The following MAP4K4 variants were observed in gnomAD, a reference collection of about 807,000 sequenced individuals.
MAP4K4 encodes mitogen-activated protein kinase kinase kinase kinase 4, also known as HPK/GCK-like kinase HGK.
MAP4K4 carries 38 observed loss-of-function variants against 189.6 expected under a neutral mutation model. The observed-to-expected ratio is 0.20, with a 90% CI of 0.15 to 0.26. The LOEUF (loss-of-function observed/expected upper bound fraction) is 0.26, where lower values mean the gene tolerates loss of function less well. MAP4K4 is among the 10% of genes least tolerant of loss of function. The pLI is 1.00. For missense variants in MAP4K4, 1,054 were observed against 1,726.9 expected (o/e 0.61, Z 6.91); for synonymous variants, 610 against 624.3 (o/e 0.98, Z 0.34).
chr2:101,878,747 A>G (rs1211215632), intron 27 of MAP4K4, among the ~76,000 whole-genome samples: 1 of 152,218 alleles, frequency 6.6e-6, no homozygotes, highest in Non-Finnish European at 1.5e-5. Context: ...ACTTACAGTC[A>G]CTTATGATAT....
At chr2:101,888,442 A>G (rs996988250) in intron 31 of MAP4K4, among the ~76,000 whole-genome samples, 2 of 152,210 alleles carry the variant, frequency 1.3e-5, no homozygotes, top group African/African-American at 4.8e-5. Context: ...TATTGTAATT[A>G]GGTCACTGTC....
At chr2:101,715,831 C>A (rs1458543364) in intron 2 of MAP4K4, among the ~76,000 whole-genome samples, 1 of 152,122 alleles carries the variant, frequency 6.6e-6, no homozygotes, top group Non-Finnish European at 1.5e-5. Context: ...AGTGGGAAAG[C>A]AATTGAAGCT....
chr2:101,796,471 A>G (rs934266845), intron 3 of MAP4K4, among the ~76,000 whole-genome samples: 1 of 152,228 alleles, frequency 6.6e-6, no homozygotes, highest in African/African-American at 2.4e-5. Context: ...GCTCAGGAGT[A>G]CATTGCTAAT....
chr2:101,890,753 C>G (rs549164856), intron 32 of MAP4K4, among the ~76,000 whole-genome samples: 1 of 151,574 alleles, frequency 6.6e-6, no homozygotes, highest in Non-Finnish European at 1.5e-5. Flanking sequence ...CCATGCCCAG[C>G]CTTTTTATTT....
chr2:101,716,528 C>T (rs1205868441), intron 2 of MAP4K4, among the ~76,000 whole-genome samples: 1 of 151,076 alleles, frequency 6.6e-6, no homozygotes, highest in Non-Finnish European at 1.5e-5. Context: ...AAAAAAGATA[C>T]AGTTCGTGTT....
At chr2:101,716,039 C>T (rs973064579) in intron 2 of MAP4K4, among the ~76,000 whole-genome samples, 1 of 152,162 alleles carries the variant, frequency 6.6e-6, no homozygotes, top group Non-Finnish European at 1.5e-5. Context: ...ACTGCCACCC[C>T]CTGCCTACCT....
At chr2:101,728,677 C>T (rs770326220) in intron 2 of MAP4K4, among the ~76,000 whole-genome samples, 3 of 152,106 alleles carry the variant, frequency 2.0e-5, no homozygotes, top group Non-Finnish European at 2.9e-5. Flanking sequence ...CACCACCATG[C>T]CTGGTTAATT....
At position 101,891,157 on chromosome 2, in the gene MAP4K4, CT is replaced by C; in HGVS notation, c.4072-5del. 4 of 1,612,290 alleles carry C rather than the reference CT, an allele frequency of 2.5e-6. No individual in the cohort carries two copies. The South Asian group carries it at 4.4e-5, about 18-fold the overall frequency. ...GGTAACCATTCCCTCTCTTTTCTTG[CT>C]TTTGCAGGTGTTCTTTGCCTCTGTT... On this transcript the variant is annotated splice_region_variant and splice_polypyrimidine_tract_variant and intron_variant, in intron 32 of 32. Coordinates refer to ENST00000324219, the Ensembl canonical transcript of MAP4K4.
At chr2:101,776,444 G>T (rs1575364691) in intron 2 of MAP4K4, among the ~76,000 whole-genome samples, 2 of 152,048 alleles carry the variant, frequency 1.3e-5, no homozygotes, top group Admixed American at 1.3e-4. Context: ...GTTTTCTTGG[G>T]CCTAGTCTAG....
intron 1 of MAP4K4, 56 bp downstream of exon 1, chr2:101,698,193 G>C: frequency 1.2e-6 from 1 of 859,832 alleles, no homozygotes; most frequent in Non-Finnish European, 1.4e-6. Flanking sequence ...GCCGGCAGCC[G>C]GGGCCGCGCC....
At chr2:101,767,251 A>G (rs1175041022) in intron 2 of MAP4K4, among the ~76,000 whole-genome samples, 1 of 152,234 alleles carries the variant, frequency 6.6e-6, no homozygotes, top group Non-Finnish European at 1.5e-5. Context: ...CCACAGTGGC[A>G]TGTTTGGTAT....
chr2:101,742,004 G>T (rs1342237058), intron 2 of MAP4K4, among the ~76,000 whole-genome samples: 1 of 152,162 alleles, frequency 6.6e-6, no homozygotes, highest in Non-Finnish European at 1.5e-5. Context: ...TTAGTGAGGG[G>T]TCTAAGTGAA....
intron 24 of MAP4K4, among the ~76,000 whole-genome samples, chr2:101,873,152 A>C (rs2098101626): frequency 1.3e-5 from 2 of 152,208 alleles, no homozygotes; most frequent in Non-Finnish European, 2.9e-5. Flanking sequence ...TGCACCTAAA[A>C]CAACAGTAGC....
chr2:101,834,709 CAT>C (rs2096695001), intron 8 of MAP4K4, among the ~76,000 whole-genome samples: 3 of 152,206 alleles, frequency 2.0e-5, no homozygotes, highest in Admixed American at 2.0e-4. Context: ...GTTGTACTCA[CAT>C]GTGTGACCTG....
intron 3 of MAP4K4, among the ~76,000 whole-genome samples, chr2:101,814,103 T>G (rs922751829): frequency 1.8e-4 from 27 of 152,162 alleles, no homozygotes; most frequent in Admixed American, 1.6e-3. Flanking sequence ...ACCCCAGTAT[T>G]AGGAAATGAT....
intron 12 of MAP4K4, among the ~76,000 whole-genome samples, chr2:101,853,866 G>A (rs1220935644): frequency 6.6e-6 from 1 of 152,122 alleles, no homozygotes; most frequent in East Asian, 1.9e-4. Flanking sequence ...GAATCTCTAG[G>A]AGCAACATCA....
Position 101,859,949 on chromosome 2 carries a change from C to G in MAP4K4, c.1704+85C>G, listed in dbSNP as rs750617266. 1.1e-5 allele frequency: 14 copies of G among 1,319,294 alleles called. No individual in the cohort carries two copies. In the South Asian group the frequency reaches 1.8e-4, roughly 17 times the overall value. The allele number at this position is 1,319,294 out of a possible 1,614,324, so 81.7% of individuals were successfully genotyped here. ...GAACTGTGTCATATGAGTTCTAGAA[C>G]GGGCCATAGAGTTTAGCTAATTATC... On this transcript the variant is annotated intron_variant, in intron 15 of 32. Transcript: ENST00000324219.
At chr2:101,802,350 A>G (rs2094450770) in intron 3 of MAP4K4, among the ~76,000 whole-genome samples, 1 of 152,206 alleles carries the variant, frequency 6.6e-6, no homozygotes, top group African/African-American at 2.4e-5. Context: ...AAACAAAGTC[A>G]GAATAGAGTC....
Position 101,754,001 on chromosome 2 carries a change from AG to A in MAP4K4, c.124-36718del, listed in dbSNP as rs146744167. Reference sequence around the variant, plus strand: ...GTAGTGGCTATTTCCAGTTAAAGGAAGAGAAGGGGATGATTGACAAGCCGAA... The same window carrying A: ...GTAGTGGCTATTTCCAGTTAAAGGAAAGAAGGGGATGATTGACAAGCCGAA... On this transcript the variant is annotated intron_variant, in intron 2 of 32. Coordinates refer to ENST00000324219, the Ensembl canonical transcript of MAP4K4. Among the ~76,000 whole-genome samples the A allele has an allele frequency of 4.5e-3, 683 of 152,266 alleles. 8 individuals carry two copies. The highest frequency in any genetic ancestry group is 0.015 in the African/African-American group (636 of 41,556).
Sources: allele counts gnomAD v4.1 joint callset (sites outside exome capture counted in the v4.1 genomes callset), GRCh38; gene constraint gnomAD v4.1.1; transcripts MANE v1.5; gene names NCBI Gene and HGNC (gene_info 2026-07-23, HGNC 2026-07-21).